Variants in CTCF observed in about 807,000 individuals in gnomAD.
CTCF encodes transcriptional repressor CTCF.
In CTCF, 7 loss-of-function variants were observed where a neutral mutation model predicts 72.3. That is an observed-to-expected ratio of 0.10 (90% CI 0.06 to 0.18). The LOEUF (loss-of-function observed/expected upper bound fraction) is 0.18, where lower values mean the gene tolerates loss of function less well. CTCF is among the 10% of genes least tolerant of loss of function. The pLI, the probability that CTCF is intolerant of heterozygous loss-of-function variation, is 1.00. For synonymous variants in CTCF, 374 were observed against 315.8 expected (o/e 1.18, Z -1.95); for missense variants, 516 against 949.1 (o/e 0.54, Z 6.00).
At chr16:67,582,025 C>T in intron 2 of CTCF, among the ~76,000 whole-genome samples, 1 of 151,412 alleles carries the variant, frequency 6.6e-6, no homozygotes, top group East Asian at 2.0e-4. Context: ...AGATGGAGAC[C>T]ATCCTGGCTA....
chr16:67,590,631 C>T (rs1217594409), intron 2 of CTCF, among the ~76,000 whole-genome samples: 1 of 151,070 alleles, frequency 6.6e-6, no homozygotes, highest in Non-Finnish European at 1.5e-5. Context: ...GCCACCGTGC[C>T]CGGCCCTAAC....
chr16:67,590,683 G>A (rs750209626), intron 2 of CTCF, among the ~76,000 whole-genome samples: 1 of 151,556 alleles, frequency 6.6e-6, no homozygotes, highest in Non-Finnish European at 1.5e-5. Context: ...TCGGCCAGGT[G>A]TGATGGCTCA....
At chr16:67,602,010 C>T (rs1047049425) in intron 2 of CTCF, among the ~76,000 whole-genome samples, 3 of 151,802 alleles carry the variant, frequency 2.0e-5, no homozygotes, top group Non-Finnish European at 4.4e-5. Context: ...ACTATAGGCA[C>T]CTGCCACCAC....
At chr16:67,612,697 C>T (rs943577999) in intron 4 of CTCF, among the ~76,000 whole-genome samples, 1 of 151,914 alleles carries the variant, frequency 6.6e-6, no homozygotes, top group Non-Finnish European at 1.5e-5. Context: ...CTCTGGGAGG[C>T]TGAGGTGGGC....
intron 1 of CTCF, among the ~76,000 whole-genome samples, chr16:67,566,702 G>A (rs1175972108): frequency 6.6e-6 from 1 of 151,024 alleles, no homozygotes; most frequent in Admixed American, 6.6e-5. Context: ...TCAGCCTCCC[G>A]AGTAGCTGGG....
intron 10 of CTCF, among the ~76,000 whole-genome samples, chr16:67,632,225 A>C (rs2052375260): frequency 1.3e-5 from 2 of 152,188 alleles, no homozygotes; most frequent in Non-Finnish European, 2.9e-5. Flanking sequence ...GCCTGCTGCC[A>C]GACTCTGTCC....
At chr16:67,563,129 C>G (rs1455564254) in intron 1 of CTCF, among the ~76,000 whole-genome samples, 1 of 152,044 alleles carries the variant, frequency 6.6e-6, no homozygotes, top group Non-Finnish European at 1.5e-5. Context: ...GTGGCCCCAG[C>G]TGAGACACTA....
chr16:67,629,154 T>C (rs1429963242), intron 9 of CTCF, among the ~76,000 whole-genome samples: 1 of 142,678 alleles, frequency 7.0e-6, no homozygotes, highest in African/African-American at 2.5e-5. Context: ...TTGGGGGCTC[T>C]GTTAGATCTT....
At chr16:67,579,349 GT>G (rs529499940) in intron 2 of CTCF, among the ~76,000 whole-genome samples, 2 of 149,680 alleles carry the variant, frequency 1.3e-5, no homozygotes, top group Non-Finnish European at 3.0e-5. Flanking sequence ...TTCAATCTTT[GT>G]TTTTTTTTGT....
At chr16:67,618,354 A>G (rs948834103) in intron 5 of CTCF, among the ~76,000 whole-genome samples, 37 of 152,338 alleles carry the variant, frequency 2.4e-4, no homozygotes, top group African/African-American at 8.7e-4. Context: ...TTGAGGCAAG[A>G]TCGCACCACT....
chr16:67,610,421 C>T (rs911076366), intron 2 of CTCF, among the ~76,000 whole-genome samples: 14 of 145,264 alleles, frequency 9.6e-5, no homozygotes, highest in African/African-American at 2.8e-4. Flanking sequence ...GGTGCAATCT[C>T]GGCTCACTGC....
intron 4 of CTCF, among the ~76,000 whole-genome samples, chr16:67,612,917 G>A (rs1437864252): frequency 1.3e-5 from 2 of 152,212 alleles, no homozygotes; most frequent in East Asian, 1.9e-4. Flanking sequence ...CAGCCTGGGC[G>A]ACAGAGTGAG....
At chr16:67,637,392 C>T (rs1183089434) in intron 11 of CTCF, among the ~76,000 whole-genome samples, 1 of 152,098 alleles carries the variant, frequency 6.6e-6, no homozygotes, top group African/African-American at 2.4e-5. Flanking sequence ...ATTAGCCAGG[C>T]GTAGGGGTGG....
intron 10 of CTCF, among the ~76,000 whole-genome samples, chr16:67,635,143 T>G (rs2052412961): frequency 6.6e-6 from 1 of 152,022 alleles, no homozygotes; most frequent in African/African-American, 2.4e-5. Flanking sequence ...TGCCTCAGCC[T>G]CCCGAGTAGC....
At chr16:67,613,996 T>G (rs2142833319) in intron 4 of CTCF, among the ~76,000 whole-genome samples, 1 of 152,116 alleles carries the variant, frequency 6.6e-6, no homozygotes, top group African/African-American at 2.4e-5. Context: ...GGAGTATACC[T>G]TTTCATGTTC....
intron 2 of CTCF, among the ~76,000 whole-genome samples, chr16:67,605,443 T>A (rs2051961315): frequency 6.6e-6 from 1 of 152,212 alleles, no homozygotes; most frequent in Non-Finnish European, 1.5e-5. Flanking sequence ...GCATTGGATG[T>A]TGTTGTATTT....
chr16:67,635,873 A>G (rs2052422033), intron 10 of CTCF, among the ~76,000 whole-genome samples: 2 of 151,424 alleles, frequency 1.3e-5, no homozygotes, highest in Admixed American at 6.6e-5. Flanking sequence ...TGATCCTCCA[A>G]CCTCAGCCTC....
chr16:67,590,428 G>A (rs2051726152), intron 2 of CTCF, among the ~76,000 whole-genome samples: 2 of 151,702 alleles, frequency 1.3e-5, no homozygotes, highest in African/African-American at 4.8e-5. Flanking sequence ...TTTTAACTTA[G>A]AAGAAACATT....
intron 2 of CTCF, among the ~76,000 whole-genome samples, chr16:67,578,518 A>C (rs2051534615): frequency 6.6e-6 from 1 of 151,460 alleles, no homozygotes; most frequent in Non-Finnish European, 1.5e-5. Context: ...GTTTTAGTAG[A>C]GATGGGATTT....
Sources: gnomAD v4.1 joint callset for allele counts (sites outside exome capture counted in the v4.1 genomes callset) on GRCh38, gnomAD v4.1.1 for gene constraint, MANE v1.5 for transcripts, NCBI Gene and HGNC (gene_info 2026-07-23, HGNC 2026-07-21) for gene names.